Variants in ZBTB41 observed in about 807,000 individuals in gnomAD.
ZBTB41 encodes zinc finger and BTB domain-containing protein 41.
ZBTB41 carries 42 observed loss-of-function variants against 87.6 expected under a neutral mutation model. The ratio of observed to expected loss-of-function variants is 0.48; its 90% CI spans 0.37 to 0.62. ZBTB41 has a LOEUF of 0.62. ZBTB41 is among the 20% of genes least tolerant of loss of function. The pLI is 0.00. For synonymous variants in ZBTB41, 364 were observed against 364.0 expected (o/e 1.00, Z 0.00); for missense variants, 799 against 1,078.9 (o/e 0.74, Z 3.63).
At position 197,181,106 on chromosome 1, in the gene ZBTB41, A is replaced by G. The variant is rs1438146661; in HGVS notation, c.1558T>C (p.Cys520Arg). The G allele has an allele frequency of 1.3e-6, 2 of 1,582,492 alleles. No homozygotes were observed. The highest frequency in any genetic ancestry group is 8.5e-7 in the Non-Finnish European group (1 of 1,172,318). Residue 520 changes from cysteine to arginine, a missense_variant, in exon 6 of 11, where the codon TGT (cysteine) becomes CGT (arginine). This residue lies in a region of ZBTB41 where 198 missense variants were observed against 358.4 expected (regional missense o/e 0.55). Transcript: ENST00000367405. ...TTAAACTGGCGACCACATATATCAC[A>G]TGGAAAAGGACCTAAAAAGGAAAAA... The part of the protein sequence containing the change: ...QEKFHLGPFP[C>R]DICGRQFNDT...
chr1:197,158,353 A>C lies in ZBTB41; in HGVS notation c.*1006T>G, dbSNP rs1571641951. 6.6e-6 allele frequency: 1 copy of C among 152,442 alleles called. No homozygotes were observed. The highest frequency in any genetic ancestry group is 1.9e-4 in the East Asian group (1 of 5,204). 9.4% of individuals were successfully genotyped at this position (152,442 alleles called of 1,614,324 possible). A position where few individuals can be genotyped will look rare whatever the true frequency, so the allele number is the denominator to read the frequency against. On this transcript the variant is annotated 3_prime_UTR_variant, in exon 11 of 11. Coordinates refer to ENST00000367405, the MANE Select transcript of ZBTB41 (RefSeq NM_194314.3). ...ACAATGTTAAGTTAAATTAGGCACA[A>C]ATTTCATAATCTGTTTGGCACCTTT...
intron 10 of ZBTB41, 106 bp downstream of exon 10, chr1:197,172,054 T>C: frequency 4.9e-6 from 2 of 411,894 alleles, no homozygotes; most frequent in Non-Finnish European, 8.1e-6. Context: ...ACCAAAGAAA[T>C]TTAACCAAGA....
At chr1:197,192,261 TC>T (rs1373995331) in intron 2 of ZBTB41, among the ~76,000 whole-genome samples, 1 of 152,220 alleles carries the variant, frequency 6.6e-6, no homozygotes, top group Non-Finnish European at 1.5e-5. Context: ...TAGCAAAAGA[TC>T]AATTCATCAT....
intron 2 of ZBTB41, among the ~76,000 whole-genome samples, chr1:197,193,477 C>A (rs1320689294): frequency 6.6e-6 from 1 of 152,046 alleles, no homozygotes; most frequent in African/African-American, 2.4e-5. Flanking sequence ...GGTTACTAGT[C>A]ATAATATGGA....
Position 197,175,013 on chromosome 1 carries a change from T to C in ZBTB41, c.1982A>G (p.Gln661Arg). 1 of 1,607,916 alleles carries C rather than the reference T, an allele frequency of 6.2e-7. No homozygotes were observed. ...KSVHLGEKVW[Q>R]KYKATFHQCD... is the part of the protein sequence containing the mutation. ...GACATTTTGCTTTTTCACTTACTTT[T>C]GCCACACTTTCTCTCCAAGGTGTAC... Residue 661 changes from glutamine (Q) to arginine (R), a missense_variant, in exon 9 of 11, where the codon CAA (glutamine) becomes CGA (arginine). Coordinates refer to ENST00000367405, the MANE Select transcript of ZBTB41 (RefSeq NM_194314.3).
rs770849502 is a variant in ZBTB41 at position 197,159,475 on chromosome 1, G to A, written c.2614C>T (p.Pro872Ser). 2 of 1,613,924 alleles carry A rather than the reference G, an allele frequency of 1.2e-6. No homozygotes were observed. Among genetic ancestry groups the A allele is most frequent in the East Asian group, 4.5e-5 (2 of 44,880 alleles). Residue 872 changes from proline to serine, a missense_variant, in exon 11 of 11, where the codon CCA (proline) becomes TCA (serine). Transcript: ENST00000367405. The part of the protein sequence containing the change: ...LTPQPANIVH[P>S]VRPEQMLDPR... Reference sequence around the variant, plus strand: ...TCTAGCATTTGTTCAGGTCGAACTGGGTGAACTATATTTGCAGGTTGAGGA... The same window carrying A: ...TCTAGCATTTGTTCAGGTCGAACTGAGTGAACTATATTTGCAGGTTGAGGA...
intron 2 of ZBTB41, among the ~76,000 whole-genome samples, chr1:197,192,617 A>C (rs1660064305): frequency 1.3e-5 from 2 of 152,176 alleles, no homozygotes; most frequent in Non-Finnish European, 2.9e-5. Flanking sequence ...AAAAGGCAAT[A>C]AAAATAGGAA....
At chr1:197,186,908 A>G (rs1386065905) in intron 5 of ZBTB41, among the ~76,000 whole-genome samples, 1 of 152,038 alleles carries the variant, frequency 6.6e-6, no homozygotes, top group Non-Finnish European at 1.5e-5. Context: ...AAATTGGGCC[A>G]AAGACTGAAC....
chr1:197,189,189 T>A (rs1348922088), intron 4 of ZBTB41, among the ~76,000 whole-genome samples: 1 of 152,094 alleles, frequency 6.6e-6, no homozygotes, highest in Non-Finnish European at 1.5e-5. Flanking sequence ...GAATCTTGGA[T>A]TAAAGAAGGC....
In ZBTB41 at chr1:197,193,386, A is replaced by C. The variant is rs532598859; in HGVS notation, c.1121-1487T>G. 3.0e-3 allele frequency among the ~76,000 whole-genome samples: 446 copies of C among 148,304 alleles called. 2 individuals are homozygous for C. Among genetic ancestry groups the C allele is most frequent in the Non-Finnish European group, 5.6e-3 (374 of 66,658 alleles). Reference sequence around the variant, plus strand: ...ACCCCAACTCTACAAAAAAACAAACAAAAAAAAAACCAAAAAAACAAAAAA... The same window carrying C: ...ACCCCAACTCTACAAAAAAACAAACCAAAAAAAAACCAAAAAAACAAAAAA... On this transcript the variant is annotated intron_variant, in intron 2 of 10. Coordinates refer to ENST00000367405, the MANE Select transcript of ZBTB41 (RefSeq NM_194314.3).
At position 197,156,797 on chromosome 1, in the gene ZBTB41, G is replaced by A. The variant is rs905878073; in HGVS notation, c.*2562C>T. On this transcript the variant is annotated 3_prime_UTR_variant, in exon 11 of 11. Transcript: ENST00000367405. The stretch of plus-strand genomic sequence containing the variant: ...TATTACTTCACCAGAATTATATTAC[G>A]CATCTCCCAGACTAGGTTAAGATTA... 2 of 152,062 alleles carry A rather than the reference G, an allele frequency of 1.3e-5. No homozygotes were observed. The highest frequency in any genetic ancestry group is 3.0e-5 in the Non-Finnish European group (2 of 67,706). The allele number at this position is 152,062 out of a possible 1,614,324, so 9.4% of individuals were successfully genotyped here.
chr1:197,193,165 T>G (rs1660076113), intron 2 of ZBTB41, among the ~76,000 whole-genome samples: 1 of 152,132 alleles, frequency 6.6e-6, no homozygotes, highest in African/African-American at 2.4e-5. Context: ...TAATTTAACC[T>G]CTCTTTACTT....
At chr1:197,167,415 G>A (rs1659374579) in intron 10 of ZBTB41, among the ~76,000 whole-genome samples, 1 of 152,060 alleles carries the variant, frequency 6.6e-6, no homozygotes, top group Non-Finnish European at 1.5e-5. Context: ...GGCTGGTCTT[G>A]AACTCCTGGG....
Position 197,200,506 on chromosome 1 carries a change from A to AT in ZBTB41, c.-34dup. ...CAGCAATTTCAGAACAAGAAACTTC[A>AT]TAAGTGTCTTAAGTGATTTATAAAG... On this transcript the variant is annotated 5_prime_UTR_variant, in exon 2 of 11. In the 5' UTR this introduces an upstream ATG that the reference lacks. Coordinates refer to ENST00000367405, the MANE Select transcript of ZBTB41 (RefSeq NM_194314.3). 6.5e-7 allele frequency: 1 copy of AT among 1,533,610 alleles called. No individual in the cohort carries two copies. The highest frequency in any genetic ancestry group is 8.7e-7 in the Non-Finnish European group (1 of 1,146,698).
chr1:197,176,589 A>G lies in ZBTB41; in HGVS notation c.1854T>C (p.Leu618=), dbSNP rs1659614212. ...CGKTFIRHDH[L]TKHKKIHSGE... ...CTGAATGTATTTTTTTGTGCTTTGTAAGGTGATCATGACGGATAAATGTTT... is the reference window on the plus strand; with the variant it reads ...CTGAATGTATTTTTTTGTGCTTTGTGAGGTGATCATGACGGATAAATGTTT... Residue 618 remains leucine, a synonymous_variant, in exon 8 of 11, where the codon CTT becomes CTC. Coordinates refer to ENST00000367405, the MANE Select transcript of ZBTB41 (RefSeq NM_194314.3). 1 of 1,611,606 alleles carries G rather than the reference A, an allele frequency of 6.2e-7. No homozygotes were observed. Among genetic ancestry groups the G allele is most frequent in the African/African-American group, 1.3e-5 (1 of 74,794 alleles).
intron 9 of ZBTB41, among the ~76,000 whole-genome samples, chr1:197,172,703 TGC>T (rs1245587968): frequency 2.0e-5 from 3 of 152,062 alleles, no homozygotes; most frequent in African/African-American, 7.2e-5. Flanking sequence ...TTACATGACT[TGC>T]AGAATTATAC....
At chr1:197,176,541 T>A in intron 8 of ZBTB41, 23 bp downstream of exon 8, 1 of 1,516,256 alleles carries the variant, frequency 6.6e-7, no homozygotes, top group South Asian at 1.2e-5. Context: ...ATTTTCGAAC[T>A]AGCATTACAA....
In ZBTB41 at chr1:197,172,258, TAA is replaced by T. The variant is rs1237778471; in HGVS notation, c.1986-12_1986-11del. The T allele has an allele frequency of 1.8e-6, 2 of 1,125,346 alleles. No homozygotes were observed. The highest frequency in any genetic ancestry group is 2.4e-6 in the Non-Finnish European group (2 of 842,826). The allele number at this position is 1,125,346 out of a possible 1,614,324, so 69.7% of individuals were successfully genotyped here. A position where few individuals can be genotyped will look rare whatever the true frequency, so the allele number is the denominator to read the frequency against. On this transcript the variant is annotated splice_polypyrimidine_tract_variant and intron_variant, in intron 9 of 10. Transcript: ENST00000367405. Reference sequence around the variant, plus strand: ...AAATGTTGCTTTATATCTAAGAAAATAAAAAGATTTGAGTTTTTCAATATAAT... The same window carrying T: ...AAATGTTGCTTTATATCTAAGAAAATAAAGATTTGAGTTTTTCAATATAAT...
chr1:197,189,292 G>A (rs12087358), intron 4 of ZBTB41, among the ~76,000 whole-genome samples: 25 of 152,090 alleles, frequency 1.6e-4, no homozygotes, highest in African/African-American at 6.0e-4. Flanking sequence ...TTGGGAGGCC[G>A]AGACGGGTAG....
Sources: allele counts gnomAD v4.1 joint callset (sites outside exome capture counted in the v4.1 genomes callset), GRCh38; gene constraint gnomAD v4.1.1; regional missense constraint gnomAD v4.1.1; transcripts MANE v1.5; gene names NCBI Gene and HGNC (gene_info 2026-07-23, HGNC 2026-07-21).